The following ITSN1 variants were observed in gnomAD, a reference collection of about 807,000 sequenced individuals.
The protein encoded by ITSN1 is intersectin-1.
Under a neutral mutation model 239.8 loss-of-function variants are expected in ITSN1, and 58 were observed. That is an observed-to-expected ratio of 0.24 (90% CI 0.20 to 0.30). The LOEUF (loss-of-function observed/expected upper bound fraction) is 0.30, where lower values mean the gene tolerates loss of function less well. Among genes scored for constraint, ITSN1 ranks in the 10% least tolerant of loss-of-function variants. The pLI is 1.00. For missense variants in ITSN1, 1,558 were observed against 2,103.3 expected (o/e 0.74, Z 5.07); for synonymous variants, 780 against 770.8 (o/e 1.01, Z -0.20).
In ITSN1 at chr21:33,723,848, G is replaced by T. The variant is rs558018282; in HGVS notation, c.185+1197G>T. Among the ~76,000 whole-genome samples the T allele has an allele frequency of 3.9e-5, 6 of 152,274 alleles. No individual in the cohort carries two copies. The East Asian group carries it at 5.8e-4, about 15-fold the overall frequency. Reference sequence around the variant, plus strand: ...GGCCCTCAAAGTAAAACCCAAAAAGGTATCATCTCCAGGGGCTGGGTATTC... The same window carrying T: ...GGCCCTCAAAGTAAAACCCAAAAAGTTATCATCTCCAGGGGCTGGGTATTC... On this transcript the variant is annotated intron_variant, in intron 4 of 39. Transcript: ENST00000381318.
At chr21:33,847,171 G>C (rs1429298666) in intron 29 of ITSN1, among the ~76,000 whole-genome samples, 1 of 152,216 alleles carries the variant, frequency 6.6e-6, no homozygotes, top group African/African-American at 2.4e-5. Flanking sequence ...ATTGAGATGA[G>C]AAGTCCACCT....
At chr21:33,698,545 C>T (rs1458820374) in intron 1 of ITSN1, among the ~76,000 whole-genome samples, 1 of 152,142 alleles carries the variant, frequency 6.6e-6, no homozygotes, top group African/African-American at 2.4e-5. Flanking sequence ...AGCTGCATAT[C>T]CCTTTTAGGT....
At chr21:33,790,751 A>G (rs1045421642) in intron 16 of ITSN1, among the ~76,000 whole-genome samples, 5 of 152,240 alleles carry the variant, frequency 3.3e-5, no homozygotes, top group African/African-American at 1.2e-4. Context: ...GTTGCCTACC[A>G]GGAAATGTTG....
At chr21:33,800,572 G>T (rs532327362) in intron 19 of ITSN1, among the ~76,000 whole-genome samples, 2 of 151,956 alleles carry the variant, frequency 1.3e-5, no homozygotes, top group African/African-American at 4.8e-5. Flanking sequence ...TTCCTACTTT[G>T]TAACAGAAAA....
At chr21:33,823,885 C>G (rs2148311800) in intron 25 of ITSN1, among the ~76,000 whole-genome samples, 1 of 152,266 alleles carries the variant, frequency 6.6e-6, no homozygotes, top group Middle Eastern at 3.4e-3. Context: ...TGTGATGGGG[C>G]TGGTCCGCAT....
chr21:33,800,030 A>T, intron 19 of ITSN1, 101 bp downstream of exon 19: 1 of 1,185,422 alleles, frequency 8.4e-7, no homozygotes. Context: ...AGTGAGTATG[A>T]AACCCAATAA....
chr21:33,733,641 A>C (rs2066323998), intron 4 of ITSN1, among the ~76,000 whole-genome samples: 1 of 152,208 alleles, frequency 6.6e-6, no homozygotes, highest in Non-Finnish European at 1.5e-5. Flanking sequence ...AATATATAGA[A>C]AATTTGGCAA....
intron 31 of ITSN1, among the ~76,000 whole-genome samples, chr21:33,859,720 G>T (rs763896729): frequency 6.6e-6 from 1 of 152,192 alleles, no homozygotes; most frequent in Non-Finnish European, 1.5e-5. Flanking sequence ...TTTCCTGAGC[G>T]TGTGTTTGGG....
chr21:33,886,997 A>G (rs904735752), intron 39 of ITSN1, among the ~76,000 whole-genome samples: 1 of 152,150 alleles, frequency 6.6e-6, no homozygotes, highest in Non-Finnish European at 1.5e-5. Context: ...AATGATTCCA[A>G]GAAACTACCT....
chr21:33,734,893 T>A, intron 4 of ITSN1, 151 bp from the exon 5 acceptor site: 1 of 534,124 alleles, frequency 1.9e-6, no homozygotes, highest in Non-Finnish European at 3.2e-6. Flanking sequence ...TACAGGCTAT[T>A]CCCCATAGTT....
chr21:33,868,798 T>G (rs1479490468), intron 33 of ITSN1, among the ~76,000 whole-genome samples: 1 of 152,110 alleles, frequency 6.6e-6, no homozygotes, highest in Non-Finnish European at 1.5e-5. Context: ...GCTCCTCAAG[T>G]GCTGCCAAAG....
At chr21:33,766,096 G>A in intron 10 of ITSN1, 84 bp downstream of exon 10, 2 of 1,411,338 alleles carry the variant, frequency 1.4e-6, no homozygotes, top group Non-Finnish European at 2.0e-6. Flanking sequence ...TGTCTTACCT[G>A]ATTTTCATCC....
chr21:33,863,809 C>G (rs1981077578), intron 31 of ITSN1, among the ~76,000 whole-genome samples: 1 of 152,190 alleles, frequency 6.6e-6, no homozygotes, highest in Non-Finnish European at 1.5e-5. Flanking sequence ...GTGTCATCAC[C>G]CTTGAGCACA....
intron 4 of ITSN1, among the ~76,000 whole-genome samples, chr21:33,730,068 A>G (rs2066078464): frequency 6.6e-6 from 1 of 152,162 alleles, no homozygotes; most frequent in Admixed American, 6.5e-5. Flanking sequence ...GTTATTTATA[A>G]TATGATTAGG....
At chr21:33,773,266 C>T (rs1602144100) in intron 12 of ITSN1, among the ~76,000 whole-genome samples, 1 of 152,198 alleles carries the variant, frequency 6.6e-6, no homozygotes, top group South Asian at 2.1e-4. Flanking sequence ...CCTCAGCCTC[C>T]CAAAGTGCTG....
At chr21:33,668,861 C>T (rs2090086191) in intron 1 of ITSN1, among the ~76,000 whole-genome samples, 1 of 152,174 alleles carries the variant, frequency 6.6e-6, no homozygotes, top group African/African-American at 2.4e-5. Context: ...TAGGTGGCTC[C>T]TCCGTCCTGC....
Position 33,824,539 on chromosome 21 carries a change from T to C in ITSN1, c.3183+886T>C, listed in dbSNP as rs138397725. Among the ~76,000 whole-genome samples, 29 of 152,244 alleles carry C rather than the reference T, an allele frequency of 1.9e-4. No individual in the cohort carries two copies. The East Asian group carries it at 5.6e-3, about 29-fold the overall frequency. On this transcript the variant is annotated intron_variant, in intron 25 of 39. Coordinates refer to ENST00000381318, the MANE Select transcript of ITSN1 (RefSeq NM_003024.3). The stretch of plus-strand genomic sequence containing the variant: ...AGAGAAAAGGCTGGCAGGGAGCCTG[T>C]AGGGGCCGCTTTCTCAGGAGTGAGC...
chr21:33,737,186 G>A (rs2147280594), intron 5 of ITSN1, among the ~76,000 whole-genome samples: 1 of 152,224 alleles, frequency 6.6e-6, no homozygotes, highest in African/African-American at 2.4e-5. Flanking sequence ...CAGAATTTCA[G>A]TTGTGGAGCT....
At chr21:33,713,237 C>T (rs563641459) in intron 1 of ITSN1, among the ~76,000 whole-genome samples, 1 of 151,082 alleles carries the variant, frequency 6.6e-6, no homozygotes, top group East Asian at 2.0e-4. Flanking sequence ...AACATGGTAG[C>T]CTTTTTTTGT....
Sources: gnomAD v4.1 joint callset for allele counts (sites outside exome capture counted in the v4.1 genomes callset) on GRCh38, gnomAD v4.1.1 for gene constraint, MANE v1.5 for transcripts, NCBI Gene and HGNC (gene_info 2026-07-23, HGNC 2026-07-21) for gene names.